The following SLC5A5 variants were observed in gnomAD, a reference collection of about 807,000 sequenced individuals.
The protein encoded by SLC5A5 is solute carrier family 5 member 5.
Under a neutral mutation model 68.6 loss-of-function variants are expected in SLC5A5, and 56 were observed. The observed-to-expected ratio is 0.82, with a 90% CI of 0.66 to 1.02. SLC5A5 has a LOEUF of 1.02. SLC5A5 is among the 50% of genes least tolerant of loss of function. The probability of loss-of-function intolerance (pLI) is 0.00; values close to 1 mark genes in which losing one functional copy is unlikely to be tolerated. For synonymous variants in SLC5A5, 398 were observed against 373.0 expected, an observed-to-expected ratio of 1.07 and a Z score of -0.77; for missense variants, 807 against 859.8, an observed-to-expected ratio of 0.94 and a Z score of 0.77.
intron 13 of SLC5A5, among the ~76,000 whole-genome samples, chr19:17,889,413 AGAAG>A (rs566834926): frequency 0.06 from 8,268 of 137,668 alleles, 312 homozygotes; most frequent in Middle Eastern, 0.11. Flanking sequence ...AAAGAAAGAA[AGAAG>A]GAAGGAAGGA....
At chr19:17,891,080 T>C (rs2030151037) in intron 14 of SLC5A5, 79 bp downstream of exon 14, 1 of 873,926 alleles carries the variant, frequency 1.1e-6, no homozygotes, top group Non-Finnish European at 2.0e-6. Flanking sequence ...GGGAGGGACA[T>C]GGTATATCAG....
At chr19:17,892,645 GA>G (rs1347356892) in intron 14 of SLC5A5, among the ~76,000 whole-genome samples, 1 of 69,406 alleles carries the variant, frequency 1.4e-5, no homozygotes, top group Non-Finnish European at 3.3e-5. Flanking sequence ...CAGAAAGAAA[GA>G]AAAGACAGAG....
chr19:17,882,089 C>T lies in SLC5A5; in HGVS notation c.1171+17C>T, dbSNP rs752717994. The T allele has an allele frequency of 3.7e-6, 6 of 1,612,152 alleles. No homozygotes were observed. In the South Asian group the frequency reaches 4.4e-5, roughly 12 times the overall value. On this transcript the variant is annotated intron_variant, in intron 9 of 14. Coordinates refer to ENST00000222248, the MANE Select transcript of SLC5A5 (RefSeq NM_000453.3). ...AGGGGCTCTGTGAGTTTCAGGGAGA[C>T]CTGGGTGGGAGGCCAGGGCAGTCCC...
intron 14 of SLC5A5, among the ~76,000 whole-genome samples, chr19:17,891,723 G>A (rs1424851281): frequency 6.6e-6 from 1 of 152,208 alleles, no homozygotes; most frequent in Admixed American, 6.5e-5. Context: ...AAACACAACA[G>A]ATGGTAAACC....
intron 12 of SLC5A5, among the ~76,000 whole-genome samples, chr19:17,886,475 T>C (rs560148961): frequency 3.7e-4 from 56 of 152,106 alleles, no homozygotes; most frequent in Non-Finnish European, 6.8e-4. Context: ...GCCTGGCTAA[T>C]TTTTATATTT....
Position 17,877,963 on chromosome 19 carries a change from G to C in SLC5A5, c.840-1G>C. On this transcript the variant is annotated splice_acceptor_variant, in intron 6 of 14. Transcript: ENST00000222248. LOFTEE classifies it high-confidence loss of function. ...AAGCCTGAGGCTGCCTCTTCCCCCA[G>C]GGCCCTGCTCATCAACCAGGTCGGC... 6.2e-7 allele frequency: 1 copy of C among 1,613,550 alleles called. No homozygotes were observed. The highest frequency in any genetic ancestry group is 8.5e-7 in the Non-Finnish European group (1 of 1,180,032).
At chr19:17,879,426 T>C (rs1403844713) in intron 7 of SLC5A5, among the ~76,000 whole-genome samples, 1 of 152,236 alleles carries the variant, frequency 6.6e-6, no homozygotes, top group Non-Finnish European at 1.5e-5. Flanking sequence ...GTCCACTCTG[T>C]GCCTCATGCT....
chr19:17,876,592 G>C (rs1209194736), intron 5 of SLC5A5, among the ~76,000 whole-genome samples: 1 of 150,716 alleles, frequency 6.6e-6, no homozygotes, highest in Non-Finnish European at 1.5e-5. Context: ...GGCTGGGCGC[G>C]GTGGCTCACG....
In SLC5A5 at chr19:17,882,007, A is replaced by G; in HGVS notation, c.1106A>G (p.Asp369Gly). 6.2e-7 allele frequency: 1 copy of G among 1,614,066 alleles called. No homozygotes were observed. ...INAMAAVTVE[D>G]LIKPRLRSLA... ...GCTATGGCTGCAGTCACTGTAGAAG[A>G]CCTCATCAAACCTCGGCTGCGGAGC... Residue 369 changes from aspartate to glycine, a missense_variant, in exon 9 of 15, where the codon GAC (aspartate) becomes GGC (glycine). Coordinates refer to ENST00000222248, the MANE Select transcript of SLC5A5 (RefSeq NM_000453.3).
At chr19:17,882,564 G>A (rs1310265928) in intron 10 of SLC5A5, among the ~76,000 whole-genome samples, 1 of 145,696 alleles carries the variant, frequency 6.9e-6, no homozygotes, top group Non-Finnish European at 1.5e-5. Flanking sequence ...TGCCCAGGCT[G>A]GAGTGCAGTG....
intron 5 of SLC5A5, among the ~76,000 whole-genome samples, chr19:17,876,645 T>C (rs6512231): frequency 0.4 from 60,306 of 151,854 alleles, 14,966 homozygotes; most frequent in African/African-American, 0.71. Flanking sequence ...TGGCAGATCA[T>C]GAGGTCAAGA....
At chr19:17,879,500 G>A (rs1010269721) in intron 7 of SLC5A5, among the ~76,000 whole-genome samples, 1 of 152,122 alleles carries the variant, frequency 6.6e-6, no homozygotes, top group African/African-American at 2.4e-5. Context: ...GGGCAGTCAC[G>A]GCTCCAACTT....
Position 17,877,235 on chromosome 19 carries a change from G to T in SLC5A5, c.699-488G>T, listed in dbSNP as rs527494616. 6.6e-5 allele frequency among the ~76,000 whole-genome samples: 10 copies of T among 152,116 alleles called. No homozygotes were observed. The South Asian group carries it at 2.1e-3, about 32-fold the overall frequency. On this transcript the variant is annotated intron_variant, in intron 5 of 14. Transcript: ENST00000222248. ...GATAGATGATTCAGTAAACAAATAC[G>T]TGAATTTTCAATCTGGCAAATGCCT... is the stretch of plus-strand genomic sequence containing the variant.
intron 14 of SLC5A5, among the ~76,000 whole-genome samples, chr19:17,891,478 T>C (rs1189835377): frequency 6.6e-6 from 1 of 152,200 alleles, no homozygotes; most frequent in Admixed American, 6.5e-5. Context: ...AGTGCTGGGA[T>C]GACAGGCATG....
intron 14 of SLC5A5, among the ~76,000 whole-genome samples, chr19:17,892,614 GCAA>G (rs1296130985): frequency 7.1e-6 from 1 of 141,310 alleles, no homozygotes. Flanking sequence ...TCCAGCCTGG[GCAA>G]CAACAGCCAG....
intron 7 of SLC5A5, among the ~76,000 whole-genome samples, chr19:17,878,984 A>C (rs528222775): frequency 2.4e-4 from 35 of 148,894 alleles, no homozygotes; most frequent in African/African-American, 6.7e-4. Flanking sequence ...CAAAAAAAAA[A>C]AAAACAAAAA....
intron 5 of SLC5A5, 93 bp from the exon 6 acceptor site, chr19:17,877,630 C>A: frequency 6.7e-7 from 1 of 1,502,386 alleles, no homozygotes; most frequent in Non-Finnish European, 9.1e-7. Context: ...TCCAAATGTC[C>A]CCTATAAGGT....
chr19:17,878,981 AAAAAAAAC>A (rs1398720293), intron 7 of SLC5A5, among the ~76,000 whole-genome samples: 6 of 149,152 alleles, frequency 4.0e-5, no homozygotes, highest in Non-Finnish European at 8.9e-5. Flanking sequence ...TCTCAAAAAA[AAAAAAAAC>A]AAAAAAAAAA....
intron 1 of SLC5A5, among the ~76,000 whole-genome samples, chr19:17,872,957 G>C (rs1449230567): frequency 1.3e-5 from 2 of 152,144 alleles, no homozygotes; most frequent in Non-Finnish European, 2.9e-5. Flanking sequence ...GTGTCCTCAC[G>C]GGTGGACACA....
Sources: allele counts gnomAD v4.1 joint callset (sites outside exome capture counted in the v4.1 genomes callset), GRCh38; gene constraint gnomAD v4.1.1; transcripts MANE v1.5; gene names NCBI Gene and HGNC (gene_info 2026-07-23, HGNC 2026-07-21).